TFEC: variants seen among roughly 807,000 people sequenced by gnomAD.
TFEC encodes the protein class E basic helix-loop-helix protein 34.
TFEC carries 31 observed loss-of-function variants against 41.6 expected under a neutral mutation model. The observed-to-expected ratio is 0.74, with a 90% CI of 0.56 to 1.01. The LOEUF is 1.01. Among genes scored for constraint, TFEC ranks in the 50% least tolerant of loss-of-function variants. TFEC has a pLI of 0.00. For synonymous variants in TFEC, 143 were observed against 140.6 expected (o/e 1.02, Z -0.12); for missense variants, 402 against 404.1 (o/e 0.99, Z 0.04).
intron 1 of TFEC, among the ~76,000 whole-genome samples, chr7:116,020,210 T>C (rs558668580): frequency 1.3e-5 from 2 of 152,172 alleles, no homozygotes; most frequent in Non-Finnish European, 2.9e-5. Context: ...TTGTTCCTAA[T>C]CACTTAGTAA....
chr7:116,134,952 T>C (rs1476917584), intron 1 of TFEC, among the ~76,000 whole-genome samples: 3 of 152,208 alleles, frequency 2.0e-5, no homozygotes, highest in Admixed American at 6.5e-5. Flanking sequence ...TCTGTAGGAC[T>C]TGATATTGGA....
intron 3 of TFEC, among the ~76,000 whole-genome samples, chr7:116,060,645 G>A (rs1016131579): frequency 6.6e-6 from 1 of 152,220 alleles, no homozygotes; most frequent in Admixed American, 6.5e-5. Context: ...TCACTTACAA[G>A]TGGGAGCTAA....
chr7:116,157,080 G>T (rs144446189), intron 1 of TFEC, among the ~76,000 whole-genome samples: 1 of 152,250 alleles, frequency 6.6e-6, no homozygotes, highest in African/African-American at 2.4e-5. Context: ...GGCCTCCGAT[G>T]ATCTTTCCCA....
intron 1 of TFEC, among the ~76,000 whole-genome samples, chr7:116,123,927 C>A (rs985432519): frequency 2.0e-5 from 3 of 151,940 alleles, no homozygotes; most frequent in Non-Finnish European, 4.4e-5. Flanking sequence ...TTAAACATAA[C>A]ACAAGAGCTC....
At chr7:116,086,247 A>G (rs908702705) in intron 3 of TFEC, among the ~76,000 whole-genome samples, 10 of 151,764 alleles carry the variant, frequency 6.6e-5, no homozygotes, top group African/African-American at 2.4e-4. Context: ...ATTCACTCCA[A>G]TCCCCTTCCT....
intron 3 of TFEC, among the ~76,000 whole-genome samples, chr7:116,040,612 C>T (rs1004952439): frequency 1.3e-5 from 2 of 151,966 alleles, no homozygotes; most frequent in Non-Finnish European, 2.9e-5. Flanking sequence ...TCATAATGTC[C>T]AAATTACACA....
At chr7:115,979,342 A>C (rs1260338237) in intron 2 of TFEC, among the ~76,000 whole-genome samples, 1 of 152,004 alleles carries the variant, frequency 6.6e-6, no homozygotes, top group Non-Finnish European at 1.5e-5. Context: ...TATTCATTTC[A>C]CACTGCTTCC....
chr7:115,946,049 G>A (rs984109929), intron 6 of TFEC, among the ~76,000 whole-genome samples: 2 of 151,676 alleles, frequency 1.3e-5, no homozygotes, highest in Non-Finnish European at 2.9e-5. Context: ...TTTAGATAAA[G>A]TTTTTATTAA....
intron 1 of TFEC, among the ~76,000 whole-genome samples, chr7:116,002,884 C>T (rs1794651461): frequency 6.6e-6 from 1 of 151,900 alleles, no homozygotes; most frequent in South Asian, 2.1e-4. Flanking sequence ...CTAGGGCAAC[C>T]ACTAAATTTT....
intron 1 of TFEC, among the ~76,000 whole-genome samples, chr7:116,129,329 G>A (rs1161864084): frequency 1.4e-5 from 2 of 145,928 alleles, no homozygotes; most frequent in Admixed American, 1.4e-4. Flanking sequence ...TCTCACCCTT[G>A]TCCTTTTTTT....
At chr7:115,956,072 G>C (rs572778226) in intron 4 of TFEC, among the ~76,000 whole-genome samples, 1 of 151,978 alleles carries the variant, frequency 6.6e-6, no homozygotes, top group South Asian at 2.1e-4. Flanking sequence ...ACACCTTTAG[G>C]AAAGTAGCTC....
chr7:116,056,020 A>T (rs952426509), intron 3 of TFEC, among the ~76,000 whole-genome samples: 4 of 152,156 alleles, frequency 2.6e-5, no homozygotes, highest in Admixed American at 1.3e-4. Context: ...AATCGTTAAG[A>T]ATGCAAAACC....
chr7:116,034,713 C>CACACAG (rs1175960752), upstream of TFEC, among the ~76,000 whole-genome samples: 1 of 151,380 alleles, frequency 6.6e-6, no homozygotes, highest in Non-Finnish European at 1.5e-5. Context: ...CACACACACA[C>CACACAG]AGCAACCAGA....
intron 3 of TFEC, among the ~76,000 whole-genome samples, chr7:115,971,924 G>T (rs980410429): frequency 3.3e-5 from 5 of 151,988 alleles, no homozygotes; most frequent in African/African-American, 4.8e-5. Flanking sequence ...TTCCTTTCAT[G>T]CTTAAGCCCC....
intron 3 of TFEC, among the ~76,000 whole-genome samples, chr7:116,077,472 T>C (rs1385006980): frequency 2.6e-5 from 4 of 152,038 alleles, no homozygotes; most frequent in Non-Finnish European, 5.9e-5. Context: ...ACTTAAAAAA[T>C]ACAGAATGGC....
intron 4 of TFEC, among the ~76,000 whole-genome samples, chr7:115,956,216 C>T (rs2130419597): frequency 6.6e-6 from 1 of 151,860 alleles, no homozygotes; most frequent in Admixed American, 6.6e-5. Flanking sequence ...AAATGTGAGT[C>T]TATCATGAAA....
intron 3 of TFEC, among the ~76,000 whole-genome samples, chr7:115,968,575 G>A (rs940245690): frequency 3.3e-5 from 5 of 151,820 alleles, no homozygotes; most frequent in Admixed American, 2.0e-4. Flanking sequence ...GCACAACCAC[G>A]TCTCTGAAAG....
At chr7:116,010,783 C>T (rs572105348) in intron 1 of TFEC, among the ~76,000 whole-genome samples, 2 of 152,100 alleles carry the variant, frequency 1.3e-5, no homozygotes, top group African/African-American at 4.8e-5. Context: ...AATTTTTTTG[C>T]GTGTTTTGCA....
intron 1 of TFEC, among the ~76,000 whole-genome samples, chr7:116,021,446 A>G (rs1357139725): frequency 6.6e-6 from 1 of 152,204 alleles, no homozygotes; most frequent in East Asian, 1.9e-4. Context: ...GTATATGCAC[A>G]GGGGAAAAAT....
Sources: allele counts gnomAD v4.1 joint callset (sites outside exome capture counted in the v4.1 genomes callset), GRCh38; gene constraint gnomAD v4.1.1; transcripts MANE v1.5; gene names NCBI Gene and HGNC (gene_info 2026-07-23, HGNC 2026-07-21).